The following SNX25 variants were observed in gnomAD, a reference collection of about 807,000 sequenced individuals.
SNX25 encodes sorting nexin-25.
Under a neutral mutation model 113.7 loss-of-function variants are expected in SNX25, and 62 were observed. The observed-to-expected ratio is 0.55, with a 90% confidence interval of 0.44 to 0.67. The LOEUF is 0.67. Among genes scored for constraint, SNX25 ranks in the 30% least tolerant of loss-of-function variants. The probability of loss-of-function intolerance (pLI) is 0.00; values close to 1 mark genes in which losing one functional copy is unlikely to be tolerated. For synonymous variants in SNX25, 421 were observed against 436.2 expected, an observed-to-expected ratio of 0.97 and a Z score of 0.43; for missense variants, 1,014 against 1,161.0, an observed-to-expected ratio of 0.87 and a Z score of 1.84.
intron 15 of SNX25, among the ~76,000 whole-genome samples, chr4:185,356,848 A>AG (rs1228390384): frequency 1.3e-5 from 2 of 152,210 alleles, no homozygotes; most frequent in Admixed American, 1.3e-4. Context: ...ATTTTGGTTT[A>AG]GGTTCCAATT....
chr4:185,378,297 G>A, the SNX25 span: 8 of 1,512,730 alleles, frequency 5.3e-6, no homozygotes, highest in South Asian at 1.3e-5. Context: ...TGCTCATTAG[G>A]AAAAGCATCC....
chr4:185,363,621 G>A lies in SNX25; in HGVS notation c.*156G>A, dbSNP rs2095376317. On this transcript the variant is annotated 3_prime_UTR_variant, in exon 19 of 19. Transcript: ENST00000652585. This position sits in a 1 kb window ranked among gnomAD's most constrained non-coding sequence, Gnocchi z 4.2. ...TGAAATTAGTAGAATCAGGGAGGAC[G>A]GGACTTATGCTGTGGTAGGCAACAG... The A allele has an allele frequency of 1.4e-5, 9 of 624,170 alleles. No homozygotes were observed. The highest frequency in any genetic ancestry group is 8.2e-4 in the Middle Eastern group (2 of 2,426). 38.7% of individuals were successfully genotyped at this position (624,170 alleles called of 1,614,324 possible). A position where few individuals can be genotyped will look rare whatever the true frequency, so the allele number is the denominator to read the frequency against.
At chr4:185,212,492 T>TGTGTGTG (rs1491296342) in intron 1 of SNX25, among the ~76,000 whole-genome samples, 13 of 27,870 alleles carry the variant, frequency 4.7e-4, no homozygotes, top group African/African-American at 1.4e-3. Context: ...TGTGTGTGTG[T>TGTGTGTG]TTTTTTTTTT....
At chr4:185,255,198 A>G (rs1448892918) in intron 2 of SNX25, among the ~76,000 whole-genome samples, 1 of 152,044 alleles carries the variant, frequency 6.6e-6, no homozygotes, top group Non-Finnish European at 1.5e-5. Flanking sequence ...CAGTGGCACA[A>G]TCTCGGCTCA....
At chr4:185,216,676 C>T (rs994061911) in intron 1 of SNX25, among the ~76,000 whole-genome samples, 19 of 152,038 alleles carry the variant, frequency 1.2e-4, no homozygotes, top group Admixed American at 2.6e-4. Context: ...CCCGCCACCA[C>T]GCCCGGCTAC....
intron 1 of SNX25, among the ~76,000 whole-genome samples, chr4:185,222,450 G>A (rs745432683): frequency 6.3e-5 from 9 of 142,956 alleles, no homozygotes; most frequent in African/African-American, 1.0e-4. Flanking sequence ...CCCCTCCCTC[G>A]CGGTAGGTAT....
intron 1 of SNX25, among the ~76,000 whole-genome samples, chr4:185,220,261 CTT>C (rs1475183024): frequency 1.1e-5 from 1 of 94,544 alleles, no homozygotes; most frequent in African/African-American, 3.6e-5. Context: ...CTCTGTTCCT[CTT>C]GTTTCTTTTT....
At chr4:185,271,301 A>G (rs1442204038) in intron 5 of SNX25, among the ~76,000 whole-genome samples, 4 of 152,288 alleles carry the variant, frequency 2.6e-5, no homozygotes, top group African/African-American at 9.6e-5. Context: ...GGCAAAAGGG[A>G]TACATTCTCA....
At chr4:185,304,867 C>T (rs1404345588) in intron 6 of SNX25, among the ~76,000 whole-genome samples, 1 of 152,158 alleles carries the variant, frequency 6.6e-6, no homozygotes, top group Admixed American at 6.5e-5. Flanking sequence ...ATTGGAGAAC[C>T]AGCATTTTCT....
In SNX25 at chr4:185,210,857, A is replaced by T. The variant is rs539946700; in HGVS notation, c.429+602A>T. On this transcript the variant is annotated intron_variant, in intron 1 of 18. Transcript: ENST00000652585. The surrounding 1 kb of genome is among the most constrained non-coding windows in gnomAD (Gnocchi z 4.4). ...GGATGCCAGAAATCACTGGTTTGCA[A>T]CAAAAGGAAAGCCATCCTCAGCGCG... 6.6e-6 allele frequency among the ~76,000 whole-genome samples: 1 copy of T among 152,082 alleles called. No individual in the cohort carries two copies. The highest frequency in any genetic ancestry group is 1.5e-5 in the Non-Finnish European group (1 of 68,002).
chr4:185,324,087 G>C (rs1365716656), intron 9 of SNX25, among the ~76,000 whole-genome samples: 2 of 152,154 alleles, frequency 1.3e-5, no homozygotes, highest in Non-Finnish European at 2.9e-5. Context: ...CCTGCCCTCT[G>C]TCTGTTTTAG....
rs34410263 is a variant in SNX25, at chr4:185,216,513, GTTTTTTT to G, written c.429+6275_429+6281del. Among the ~76,000 whole-genome samples the G allele has an allele frequency of 2.0e-4, 19 of 96,738 alleles. No homozygotes were observed. In the East Asian group the frequency reaches 6.3e-3, roughly 32 times the overall value. The allele number at this position is 96,738 out of a possible 152,430, so 63.5% of individuals were successfully genotyped here. A position where few individuals can be genotyped will look rare whatever the true frequency, so the allele number is the denominator to read the frequency against. On this transcript the variant is annotated intron_variant, in intron 1 of 18. Coordinates refer to ENST00000652585, the MANE Select transcript of SNX25 (RefSeq NM_001378034.2). ...AGGAAATGACAAAAGTGTGTATTTG[GTTTTTTT>G]TTTTTTTTTTTTTTTTGAGATGGAG...
chr4:185,245,008 G>A (rs3108258), intron 1 of SNX25, among the ~76,000 whole-genome samples: 15,105 of 152,016 alleles, frequency 0.099, 820 homozygotes, highest in African/African-American at 0.13. Context: ...ATCTGTGCTG[G>A]TCTGGCCTCT....
intron 4 of SNX25, among the ~76,000 whole-genome samples, chr4:185,265,714 T>G (rs1275160812): frequency 1.3e-5 from 2 of 152,238 alleles, no homozygotes; most frequent in Non-Finnish European, 2.9e-5. Context: ...TTTTGACTCT[T>G]TTGTAATAAC....
chr4:185,270,545 C>T (rs1748778680), intron 5 of SNX25, among the ~76,000 whole-genome samples: 1 of 152,166 alleles, frequency 6.6e-6, no homozygotes. Flanking sequence ...ATTCACGTAC[C>T]ATAGAATTCA....
intron 13 of SNX25, among the ~76,000 whole-genome samples, chr4:185,350,301 C>A (rs2095308886): frequency 6.6e-6 from 1 of 152,212 alleles, no homozygotes; most frequent in Non-Finnish European, 1.5e-5. Flanking sequence ...TTCCACCTCC[C>A]CCACACTCTG....
intron 3 of SNX25, among the ~76,000 whole-genome samples, chr4:185,263,323 G>A (rs1303133245): frequency 6.6e-6 from 1 of 152,148 alleles, no homozygotes; most frequent in Non-Finnish European, 1.5e-5. Flanking sequence ...TGATAAAGGA[G>A]TAGCATCTTA....
chr4:185,215,101 C>T (rs533821019), intron 1 of SNX25, among the ~76,000 whole-genome samples: 12 of 152,056 alleles, frequency 7.9e-5, no homozygotes, highest in Non-Finnish European at 1.5e-4. Context: ...GTGGTGCGGG[C>T]GCCTGTAGTC....
intron 3 of SNX25, among the ~76,000 whole-genome samples, chr4:185,263,724 T>C (rs766202949): frequency 6.6e-6 from 1 of 152,246 alleles, no homozygotes; most frequent in Non-Finnish European, 1.5e-5. Context: ...AAATCTCTTA[T>C]ACTTTGCCTC....
Sources: allele counts gnomAD v4.1 joint callset (sites outside exome capture counted in the v4.1 genomes callset), GRCh38; gene constraint gnomAD v4.1.1; non-coding constraint Gnocchi (gnomAD v3.1); transcripts MANE v1.5; gene names NCBI Gene and HGNC (gene_info 2026-07-23, HGNC 2026-07-21).